Variants in CDS1 observed in about 807,000 individuals in gnomAD.
CDS1 encodes CDP-diacylglycerol synthase 1.
In CDS1, 41 loss-of-function variants were observed where a neutral mutation model predicts 62.1. The ratio of observed to expected loss-of-function variants is 0.66; its 90% confidence interval spans 0.51 to 0.86. CDS1 has a LOEUF of 0.86. CDS1 is among the 40% of genes least tolerant of loss of function. CDS1 has a pLI of 0.00. For synonymous variants in CDS1, 185 were observed against 192.6 expected (o/e 0.96, Z 0.32); for missense variants, 470 against 550.1 (o/e 0.85, Z 1.46).
intron 6 of CDS1, 140 bp downstream of exon 6, chr4:84,632,017 C>G (rs1008862679): frequency 7.4e-6 from 4 of 543,614 alleles, no homozygotes; most frequent in Non-Finnish European, 1.3e-5. Context: ...TTCAGATGAC[C>G]ATTAGATATA....
intron 5 of CDS1, among the ~76,000 whole-genome samples, chr4:84,623,549 CTT>C (rs1723755560): frequency 6.6e-6 from 1 of 152,092 alleles, no homozygotes; most frequent in African/African-American, 2.4e-5. Context: ...CATGTTTCTT[CTT>C]TTCTCCTTCA....
At chr4:84,623,546 CT>C (rs1723755371) in intron 5 of CDS1, among the ~76,000 whole-genome samples, 1 of 151,996 alleles carries the variant, frequency 6.6e-6, no homozygotes, top group Non-Finnish European at 1.5e-5. Flanking sequence ...AGACATGTTT[CT>C]TCTTTTCTCC....
Position 84,599,395 on chromosome 4 carries a change from CACACACACACATATAT to C in CDS1, c.118-4846_118-4831del, listed in dbSNP as rs1474526284. Reference sequence around the variant, plus strand: ...GCAAATATAATTTGGCAAATTTTGACACACACACACATATATATATATATATATATATATATATATA... The same window carrying C: ...GCAAATATAATTTGGCAAATTTTGACATATATATATATATATATATATATA... On this transcript the variant is annotated intron_variant, in intron 1 of 12. Coordinates refer to ENST00000295887, the MANE Select transcript of CDS1 (RefSeq NM_001263.4). 2.5e-3 allele frequency among the ~76,000 whole-genome samples: 301 copies of C among 121,610 alleles called. 3 individuals carry two copies. Among genetic ancestry groups the C allele is most frequent in the African/African-American group, 9.9e-3 (294 of 29,826 alleles). The allele number at this position is 121,610 out of a possible 152,430, so 79.8% of individuals were successfully genotyped here. A position where few individuals can be genotyped will look rare whatever the true frequency, so the allele number is the denominator to read the frequency against.
chr4:84,627,722 A>C (rs1578043872), intron 5 of CDS1, among the ~76,000 whole-genome samples: 1 of 152,194 alleles, frequency 6.6e-6, no homozygotes, highest in Admixed American at 6.5e-5. Context: ...AAATTGATGG[A>C]CATATAAAAC....
Position 84,609,085 on chromosome 4 carries a change from A to G in CDS1, c.246-344A>G, listed in dbSNP as rs894471065. 2.0e-4 allele frequency among the ~76,000 whole-genome samples: 30 copies of G among 150,504 alleles called. 1 individual carries two copies. Among genetic ancestry groups the G allele is most frequent in the African/African-American group, 7.4e-4 (30 of 40,648 alleles). On this transcript the variant is annotated intron_variant, in intron 2 of 12. Coordinates refer to ENST00000295887, the MANE Select transcript of CDS1 (RefSeq NM_001263.4). ...TCCCAGCTACTCGGGAGGCTGAGGCAGGAGAATGGCGTGAACCCAGGAGGT... is the reference window on the plus strand; with the variant it reads ...TCCCAGCTACTCGGGAGGCTGAGGCGGGAGAATGGCGTGAACCCAGGAGGT...
intron 1 of CDS1, among the ~76,000 whole-genome samples, chr4:84,602,728 C>G (rs542936298): frequency 2.0e-4 from 30 of 152,184 alleles, no homozygotes; most frequent in Admixed American, 1.9e-3. Context: ...TTCCCTTGTT[C>G]TAGATGTCCA....
intron 1 of CDS1, among the ~76,000 whole-genome samples, chr4:84,601,057 C>T (rs1258645918): frequency 9.3e-5 from 14 of 150,664 alleles, no homozygotes; most frequent in East Asian, 8.0e-4. Flanking sequence ...CCTGTAGTCC[C>T]GGCTACTCAG....
chr4:84,648,486 A>G, intron 12 of CDS1, 71 bp from the exon 13 acceptor site: 1 of 1,395,566 alleles, frequency 7.2e-7, no homozygotes. Context: ...TTTGTTTTAA[A>G]TTGGAGGTAT....
intron 1 of CDS1, among the ~76,000 whole-genome samples, chr4:84,597,669 C>T (rs576075639): frequency 2.6e-5 from 4 of 152,214 alleles, no homozygotes; most frequent in African/African-American, 2.4e-5. Flanking sequence ...TGACTATTCT[C>T]TATCATTGTA....
At chr4:84,626,740 A>G (rs895389894) in intron 5 of CDS1, among the ~76,000 whole-genome samples, 1 of 152,218 alleles carries the variant, frequency 6.6e-6, no homozygotes, top group African/African-American at 2.4e-5. Context: ...AAAAGCACCC[A>G]TGGTGTACCT....
At position 84,648,567 on chromosome 4, in the gene CDS1, C is replaced by T; in HGVS notation, c.1267C>T (p.Pro423Ser). ...GCCTTTTATCATTAGGGGCCCAAAT[C>T]CCAGCAAAGTGCTACAGCAGTTGTT... ...YITSFIRGPN[P>S]SKVLQQLLVL... is the part of the protein sequence containing the mutation. Residue 423 changes from proline (P) to serine (S), a missense_variant, in exon 13 of 13, where the codon CCC becomes TCC. By Grantham distance (74) the Pro-to-Ser change is moderately conservative (BLOSUM62 -1). Around this residue, in one of 5 missense-constraint regions of CDS1, gnomAD observed 68 missense variants for 81.5 expected, o/e 0.83. Coordinates refer to ENST00000295887, the MANE Select transcript of CDS1 (RefSeq NM_001263.4). 6.2e-7 allele frequency: 1 copy of T among 1,613,060 alleles called. No individual in the cohort carries two copies. The highest frequency in any genetic ancestry group is 8.5e-7 in the Non-Finnish European group (1 of 1,179,520).
intron 3 of CDS1, 82 bp downstream of exon 3, chr4:84,609,607 TA>T (rs1723253192): frequency 5.0e-6 from 4 of 801,942 alleles, no homozygotes; most frequent in East Asian, 4.9e-5. Context: ...GAGCATATCA[TA>T]AAAAAGAAGC....
chr4:84,648,203 C>G (rs1282961908), intron 12 of CDS1, among the ~76,000 whole-genome samples: 1 of 152,180 alleles, frequency 6.6e-6, no homozygotes, highest in Non-Finnish European at 1.5e-5. Context: ...GTTCACCAGG[C>G]TCCTTTCCTT....
chr4:84,631,960 C>A, intron 6 of CDS1, 83 bp downstream of exon 6: 6 of 853,216 alleles, frequency 7.0e-6, no homozygotes, highest in South Asian at 6.1e-5. Context: ...AAGATACAGT[C>A]GAATCTGCTA....
At chr4:84,631,453 A>C (rs1337599320) in intron 5 of CDS1, among the ~76,000 whole-genome samples, 1 of 152,216 alleles carries the variant, frequency 6.6e-6, no homozygotes, top group East Asian at 1.9e-4. Flanking sequence ...TATTATGTAG[A>C]GATTGAAAAC....
rs1397437773 is a variant in CDS1 at position 84,649,886 on chromosome 4, T to C, written c.*1200T>C. ...AGCACACGAATGCCAAACCTTTCCT[T>C]TGGTGGACTGGACACTAACCAGATG... On this transcript the variant is annotated 3_prime_UTR_variant, in exon 13 of 13. Transcript: ENST00000295887. 6.6e-6 allele frequency: 1 copy of C among 152,184 alleles called. No homozygotes were observed. The highest frequency in any genetic ancestry group is 1.9e-4 in the East Asian group (1 of 5,198). 9.4% of individuals were successfully genotyped at this position (152,184 alleles called of 1,614,324 possible).
In CDS1 at chr4:84,643,101, AG is replaced by A. The variant is rs1479839888; in HGVS notation, c.1112del (p.Gly371AlafsTer26). 6.2e-7 allele frequency: 1 copy of A among 1,613,112 alleles called. No individual in the cohort carries two copies. Among genetic ancestry groups the A allele is most frequent in the Non-Finnish European group, 8.5e-7 (1 of 1,179,536 alleles). ...TTGCATCTTTAATTGGCCCATTTGGAGGCTTCTTTGCTAGTGGATTCAAAAG... is the reference window on the plus strand; with the variant it reads ...TTGCATCTTTAATTGGCCCATTTGGAGCTTCTTTGCTAGTGGATTCAAAAG... Reference protein sequence around the residue: ...TFASLIGPFGGFFASGFKRAF... With the variant: ...TFASLIGPFGXFFASGFKRAF... On this transcript the variant is annotated frameshift_variant, in exon 11 of 13. Transcript: ENST00000295887. LOFTEE classifies it high-confidence loss of function.
intron 5 of CDS1, among the ~76,000 whole-genome samples, chr4:84,625,627 T>C (rs991777308): frequency 1.3e-5 from 2 of 151,928 alleles, no homozygotes; most frequent in Non-Finnish European, 2.9e-5. Context: ...GCATTGAAGA[T>C]AGGGAAGGTA....
chr4:84,628,465 G>A (rs1360451596), intron 5 of CDS1, among the ~76,000 whole-genome samples: 53 of 151,594 alleles, frequency 3.5e-4, no homozygotes, highest in Non-Finnish European at 2.5e-4. Flanking sequence ...TGGGCTTTTC[G>A]GTGTCTTGTG....
Sources: allele counts gnomAD v4.1 joint callset (sites outside exome capture counted in the v4.1 genomes callset), GRCh38; gene constraint gnomAD v4.1.1; regional missense constraint gnomAD v4.1.1; transcripts MANE v1.5; gene names NCBI Gene and HGNC (gene_info 2026-07-23, HGNC 2026-07-21).